PDE8B: variants seen among roughly 807,000 people sequenced by gnomAD.
PDE8B encodes high affinity cAMP-specific and IBMX-insensitive 3',5'-cyclic phosphodiesterase 8B.
In PDE8B, 26 loss-of-function variants were observed where a neutral mutation model predicts 101.3. The observed-to-expected ratio is 0.26, with a 90% CI of 0.19 to 0.36. The LOEUF (loss-of-function observed/expected upper bound fraction) is 0.36. Among genes scored for constraint, PDE8B ranks in the 10% least tolerant of loss-of-function variants. The probability of loss-of-function intolerance (pLI) is 1.00; values close to 1 mark genes in which losing one functional copy is unlikely to be tolerated. For missense variants in PDE8B, 810 were observed against 1,163.1 expected (o/e 0.70, Z 4.42); for synonymous variants, 424 against 429.3 (o/e 0.99, Z 0.15).
chr5:77,220,484 T>C (rs1750868265), intron 1 of PDE8B, among the ~76,000 whole-genome samples: 1 of 152,148 alleles, frequency 6.6e-6, no homozygotes, highest in South Asian at 2.1e-4. Flanking sequence ...AGGAAATGCT[T>C]TGGATGAACG....
intron 6 of PDE8B, among the ~76,000 whole-genome samples, chr5:77,340,630 T>TGTGTGC (rs1479671642): frequency 3.3e-5 from 5 of 151,526 alleles, no homozygotes; most frequent in Non-Finnish European, 5.9e-5. Flanking sequence ...TGTGTGTGTG[T>TGTGTGC]GTGTGTGTGT....
intron 10 of PDE8B, among the ~76,000 whole-genome samples, chr5:77,370,889 A>G (rs1784974508): frequency 6.6e-6 from 1 of 152,214 alleles, no homozygotes; most frequent in South Asian, 2.1e-4. Context: ...TTCTCTGATG[A>G]CTAATAATGT....
chr5:77,357,672 C>T (rs779645771), intron 10 of PDE8B, among the ~76,000 whole-genome samples: 8 of 152,198 alleles, frequency 5.3e-5, no homozygotes, highest in African/African-American at 1.4e-4. Flanking sequence ...TTTTTTGCCT[C>T]GTAGGACTGT....
intron 1 of PDE8B, among the ~76,000 whole-genome samples, chr5:77,247,078 G>T (rs974712994): frequency 6.6e-6 from 1 of 152,142 alleles, no homozygotes; most frequent in South Asian, 2.1e-4. Context: ...GTTAATTAAG[G>T]TTCATTGTTG....
chr5:77,334,077 G>T (rs923526728), intron 5 of PDE8B, among the ~76,000 whole-genome samples: 1 of 152,232 alleles, frequency 6.6e-6, no homozygotes, highest in Admixed American at 6.5e-5. Context: ...TCTTCATGTG[G>T]TGGTTCTCCT....
chr5:77,384,896 C>T (rs968458450), intron 10 of PDE8B, among the ~76,000 whole-genome samples: 24 of 152,088 alleles, frequency 1.6e-4, no homozygotes, highest in African/African-American at 4.1e-4. Flanking sequence ...TGAGGATTTT[C>T]GCATCGCTGT....
intron 10 of PDE8B, among the ~76,000 whole-genome samples, chr5:77,380,848 G>C (rs1202012965): frequency 6.6e-6 from 1 of 152,214 alleles, no homozygotes; most frequent in Non-Finnish European, 1.5e-5. Flanking sequence ...AAGGGAGTAG[G>C]ATGGGCAGGA....
chr5:77,328,795 A>G (rs1300396099), intron 3 of PDE8B, among the ~76,000 whole-genome samples: 1 of 152,220 alleles, frequency 6.6e-6, no homozygotes, highest in Non-Finnish European at 1.5e-5. Context: ...CTGGGAGTTA[A>G]GAGAAAAAAA....
chr5:77,238,753 C>T (rs992511850), intron 1 of PDE8B, among the ~76,000 whole-genome samples: 1 of 152,202 alleles, frequency 6.6e-6, no homozygotes, highest in Non-Finnish European at 1.5e-5. Flanking sequence ...GGTCTGAGAA[C>T]CAGCAGAGTC....
At chr5:77,329,994 C>T (rs1298391690) in intron 4 of PDE8B, among the ~76,000 whole-genome samples, 3 of 152,176 alleles carry the variant, frequency 2.0e-5, no homozygotes, top group African/African-American at 7.2e-5. Flanking sequence ...GGGGCTATGT[C>T]TTCTCACTTT....
intron 16 of PDE8B, among the ~76,000 whole-genome samples, 190 bp downstream of exon 16, chr5:77,412,425 T>TTA (rs1794746633): frequency 6.6e-6 from 1 of 151,886 alleles, no homozygotes; most frequent in Admixed American, 6.5e-5. Context: ...TTGTGGAGAG[T>TTA]ATTAGTAAGA....
chr5:77,335,395 T>C (rs964409015), intron 5 of PDE8B, among the ~76,000 whole-genome samples: 2 of 152,170 alleles, frequency 1.3e-5, no homozygotes, highest in Admixed American at 1.3e-4. Context: ...CTTATGTGTA[T>C]GTTTATGGCT....
At chr5:77,202,457 T>C in the PDE8B span, among the ~76,000 whole-genome samples, 1,047 of 152,330 alleles carry the variant, frequency 6.9e-3, 47 homozygotes, top group East Asian at 0.12. Context: ...TGATCCATTT[T>C]CACTTAATGA....
chr5:77,205,584 C>G (rs925339047), upstream of PDE8B, among the ~76,000 whole-genome samples: 2 of 152,078 alleles, frequency 1.3e-5, no homozygotes, highest in Non-Finnish European at 2.9e-5. Flanking sequence ...AAAAAAAAAT[C>G]AATGGAAATC....
chr5:77,122,393 G>A, the PDE8B span, among the ~76,000 whole-genome samples: 17,390 of 152,196 alleles, frequency 0.11, 1,084 homozygotes, highest in East Asian at 0.16. Flanking sequence ...CTACTGCCAT[G>A]AGGAACCCAA....
chr5:77,112,903 C>A, the PDE8B span: 3 of 152,198 alleles, frequency 2.0e-5, no homozygotes, highest in Admixed American at 2.0e-4. Context: ...ATCATGACTG[C>A]CCTCCCATTC....
intron 1 of PDE8B, among the ~76,000 whole-genome samples, chr5:77,298,950 T>C (rs1040736802): frequency 1.3e-5 from 2 of 152,236 alleles, no homozygotes; most frequent in African/African-American, 4.8e-5. Flanking sequence ...TATACTCTGG[T>C]TTTCTCAACT....
At chr5:77,191,863 G>A in the PDE8B span, among the ~76,000 whole-genome samples, 1 of 152,126 alleles carries the variant, frequency 6.6e-6, no homozygotes, top group East Asian at 1.9e-4. Context: ...GAATCAGTGG[G>A]AGCCCTGAGC....
At chr5:77,192,718 A>G in the PDE8B span, among the ~76,000 whole-genome samples, 26 of 152,174 alleles carry the variant, frequency 1.7e-4, no homozygotes, top group Admixed American at 1.2e-3. Flanking sequence ...CCACCTTTCC[A>G]TGGTAAGTGT....
Sources: gnomAD v4.1 joint callset for allele counts (sites outside exome capture counted in the v4.1 genomes callset) on GRCh38, gnomAD v4.1.1 for gene constraint, MANE v1.5 for transcripts, NCBI Gene and HGNC (gene_info 2026-07-23, HGNC 2026-07-21) for gene names.